Variants in MYCBP2 observed in about 807,000 individuals in gnomAD.
MYCBP2 encodes the protein MYC binding protein 2.
Under a neutral mutation model 525.3 loss-of-function variants are expected in MYCBP2, and 120 were observed. The observed-to-expected ratio is 0.23, with a 90% CI of 0.20 to 0.27. The LOEUF is 0.27. Among genes scored for constraint, MYCBP2 ranks in the 10% least tolerant of loss-of-function variants. The probability of loss-of-function intolerance (pLI) is 1.00; values close to 1 mark genes in which losing one functional copy is unlikely to be tolerated. For synonymous variants in MYCBP2, 1,894 were observed against 1,955.8 expected (o/e 0.97, Z 0.83); for missense variants, 4,149 against 5,657.1 (o/e 0.73, Z 8.55).
chr13:77,197,944 T>C (rs2154264944), intron 26 of MYCBP2, among the ~76,000 whole-genome samples: 1 of 152,264 alleles, frequency 6.6e-6, no homozygotes, highest in South Asian at 2.1e-4. Flanking sequence ...ACAACATATA[T>C]GGAAGGCCTC....
At chr13:77,195,070 G>A (rs1426948014) in intron 26 of MYCBP2, among the ~76,000 whole-genome samples, 2 of 151,654 alleles carry the variant, frequency 1.3e-5, no homozygotes, top group African/African-American at 4.8e-5. Flanking sequence ...ATTATGGAAG[G>A]TGAATTGCAA....
intron 13 of MYCBP2, among the ~76,000 whole-genome samples, chr13:77,260,006 C>G (rs538463190): frequency 2.9e-4 from 44 of 152,268 alleles, no homozygotes; most frequent in African/African-American, 1.1e-3. Context: ...GTGCTGGGCA[C>G]TGGGGATAGA....
chr13:77,098,115 G>C lies in MYCBP2; in HGVS notation c.9039C>G (p.Ser3013=). The change falls in exon 56 of 83, where the codon TCC becomes TCG. Residue 3013 remains serine, a synonymous_variant. Transcript: ENST00000544440. ...CTTGCTTGGCTGGCTCTAAAGGCTT[G>C]GATCCATCTCCTTTGAAAAGAAAAC... The part of the protein sequence containing the change: ...KSSFLFKGDG[S]KPLEPAKQAM... 1 of 1,613,476 alleles carries C rather than the reference G, an allele frequency of 6.2e-7. No individual in the cohort carries two copies. The highest frequency in any genetic ancestry group is 8.5e-7 in the Non-Finnish European group (1 of 1,179,734).
At chr13:77,198,955 T>A (rs1252090755) in intron 26 of MYCBP2, among the ~76,000 whole-genome samples, 1 of 152,216 alleles carries the variant, frequency 6.6e-6, no homozygotes, top group Non-Finnish European at 1.5e-5. Context: ...TGAAAATAAT[T>A]TTCCTTTCAT....
At chr13:77,243,996 T>C in intron 15 of MYCBP2, 45 bp from the exon 16 acceptor site, 1 of 1,466,798 alleles carries the variant, frequency 6.8e-7, no homozygotes, top group Non-Finnish European at 9.1e-7. Flanking sequence ...ACTGAGATAT[T>C]CCTAATTTGT....
intron 32 of MYCBP2, among the ~76,000 whole-genome samples, chr13:77,182,177 T>C (rs2060276305): frequency 6.6e-6 from 1 of 152,216 alleles, no homozygotes; most frequent in Non-Finnish European, 1.5e-5. Context: ...TAAATGAGCA[T>C]TTTTATATTT....
At chr13:77,272,138 T>C (rs561940318) in intron 5 of MYCBP2, among the ~76,000 whole-genome samples, 1 of 152,360 alleles carries the variant, frequency 6.6e-6, no homozygotes, top group Non-Finnish European at 1.5e-5. Context: ...CTCTGTATGC[T>C]GTGGCTACGC....
Position 77,166,583 on chromosome 13 carries a change from T to C in MYCBP2, c.6115-29A>G, listed in dbSNP as rs1340009456. On this transcript the variant is annotated intron_variant, in intron 40 of 82. Coordinates refer to ENST00000544440, the MANE Select transcript of MYCBP2 (RefSeq NM_015057.5). ...AGGTCAACAGGCAAAGTGACATGAATACAGATATATATATACACAAACATA... is the reference window on the plus strand; with the variant it reads ...AGGTCAACAGGCAAAGTGACATGAACACAGATATATATATACACAAACATA... 5 of 1,474,866 alleles carry C rather than the reference T, an allele frequency of 3.4e-6. No homozygotes were observed. The Admixed American group carries it at 5.2e-5, about 15-fold the overall frequency. The allele number at this position is 1,474,866 out of a possible 1,614,324, so 91.4% of individuals were successfully genotyped here.
intron 55 of MYCBP2, among the ~76,000 whole-genome samples, chr13:77,111,741 A>C (rs2048860179): frequency 6.6e-6 from 1 of 151,996 alleles, no homozygotes; most frequent in South Asian, 2.1e-4. Context: ...TGCCTCCAAC[A>C]TTCTCCCTTT....
intron 1 of MYCBP2, among the ~76,000 whole-genome samples, chr13:77,319,951 C>T (rs1003587741): frequency 5.3e-5 from 8 of 152,122 alleles, no homozygotes; most frequent in African/African-American, 1.2e-4. Context: ...AAGTTTATTG[C>T]GGAGTGCCCT....
Position 77,049,192 on chromosome 13 carries a change from C to A in MYCBP2, c.13921+1805G>T, listed in dbSNP as rs851512. On this transcript the variant is annotated intron_variant, in intron 82 of 82. Transcript: ENST00000544440. ...CTTGCTGACCTCCAGCACATCACCC[C>A]CTCCCTCCAAGCATGGCTCACATCT... Among the ~76,000 whole-genome samples the A allele has an allele frequency of 5.2e-3, 797 of 152,222 alleles. 7 individuals are homozygous for A. The highest frequency in any genetic ancestry group is 0.018 in the African/African-American group (742 of 41,530).
intron 52 of MYCBP2, among the ~76,000 whole-genome samples, chr13:77,135,478 TA>T (rs1312645837): frequency 6.6e-6 from 1 of 151,984 alleles, no homozygotes. Context: ...CAGATACTCA[TA>T]AAAAAAATGT....
In MYCBP2 at chr13:77,098,215, T is replaced by C. The variant is rs751681934; in HGVS notation, c.8939A>G (p.Gln2980Arg). 3 of 1,613,548 alleles carry C rather than the reference T, an allele frequency of 1.9e-6. No individual in the cohort carries two copies. Among genetic ancestry groups the C allele is most frequent in the South Asian group, 2.2e-5 (2 of 91,086 alleles). The change falls in exon 56 of 83, where the codon CAG becomes CGG. Residue 2980 changes from glutamine to arginine, a missense_variant. By Grantham distance (43) the Gln-to-Arg change is conservative. Around this residue, in one of 21 missense-constraint regions of MYCBP2, gnomAD observed 653 missense variants for 744.7 expected, o/e 0.88. Transcript: ENST00000544440. ...SIGKAPLKDE[Q>R]EMRASPKISR... ...TATTTTGGGAGATGCTCTCATTTCC[T>C]GTTCATCTTTCAGTGGTGCTTTTCC...
intron 20 of MYCBP2, among the ~76,000 whole-genome samples, chr13:77,221,640 A>C (rs1242497366): frequency 1.3e-5 from 2 of 152,188 alleles, no homozygotes; most frequent in African/African-American, 4.8e-5. Flanking sequence ...TCTAACTGCA[A>C]TGCACCTTTC....
At chr13:77,107,254 T>G (rs951106945) in intron 55 of MYCBP2, among the ~76,000 whole-genome samples, 1 of 152,134 alleles carries the variant, frequency 6.6e-6, no homozygotes, top group Non-Finnish European at 1.5e-5. Flanking sequence ...TTGAGGATAT[T>G]TGAGAAATTA....
intron 62 of MYCBP2, among the ~76,000 whole-genome samples, chr13:77,084,320 T>C (rs547579795): frequency 5.3e-5 from 8 of 152,330 alleles, no homozygotes; most frequent in African/African-American, 1.9e-4. Context: ...TGTAAGCCCA[T>C]CAAACTTTTT....
rs1427299152 is a variant in MYCBP2, at chr13:77,098,145, T to C, written c.9009A>G (p.Lys3003=). The change falls in exon 56 of 83, where the codon AAA becomes AAG. Residue 3003 remains lysine, a synonymous_variant. Transcript: ENST00000544440. The stretch of plus-strand genomic sequence containing the variant: ...CATCTCCTTTGAAAAGAAAACTCGA[T>C]TTTTCTTTTTTGGGCCTGGTGTGTC... The part of the protein sequence containing the change: ...ANRHTRPKKE[K]SSFLFKGDGS... The C allele has an allele frequency of 1.2e-6, 2 of 1,613,688 alleles. No individual in the cohort carries two copies. Among genetic ancestry groups the C allele is most frequent in the Non-Finnish European group, 1.7e-6 (2 of 1,179,778 alleles).
At position 77,045,048 on chromosome 13, in the gene MYCBP2, C is replaced by T. The variant is rs117425231; in HGVS notation, c.*330G>A. The T allele has an allele frequency of 9.4e-4, 380 of 403,550 alleles. 4 individuals are homozygous for T. The East Asian group carries it at 0.012, about 13-fold the overall frequency. The allele number at this position is 403,550 out of a possible 1,614,324, so 25.0% of individuals were successfully genotyped here. A position where few individuals can be genotyped will look rare whatever the true frequency, so the allele number is the denominator to read the frequency against. On this transcript the variant is annotated 3_prime_UTR_variant, in exon 83 of 83. Transcript: ENST00000544440. ...TTCTTTTTTGCTTGAAAGCCAGCAT[C>T]GTTCTTAGTCCATGGGCATGGCGAT...
chr13:77,073,997 C>A, intron 68 of MYCBP2, among the ~76,000 whole-genome samples: 1 of 125,354 alleles, frequency 8.0e-6, no homozygotes. Context: ...AATTCCATCC[C>A]CACCGCCCCC....
Sources: gnomAD v4.1 joint callset for allele counts (sites outside exome capture counted in the v4.1 genomes callset) on GRCh38, gnomAD v4.1.1 for gene constraint, gnomAD v4.1.1 regional missense constraint, MANE v1.5 for transcripts, NCBI Gene and HGNC (gene_info 2026-07-23, HGNC 2026-07-21) for gene names.